SGMS2: variants seen among roughly 807,000 people sequenced by gnomAD.
SGMS2 encodes the protein sphingomyelin synthase 2.
In SGMS2, 21 loss-of-function variants were observed where a neutral mutation model predicts 43.8. That is an observed-to-expected ratio of 0.48 (90% CI 0.34 to 0.69). SGMS2 has a LOEUF of 0.69. Ranked by LOEUF, SGMS2 falls within the 30% of genes least tolerant of loss-of-function variation. The pLI is 0.01. For missense variants in SGMS2, 384 were observed against 443.2 expected (o/e 0.87, Z 1.20); for synonymous variants, 167 against 160.6 (o/e 1.04, Z -0.30).
At chr4:107,856,607 G>A (rs1425636295) in intron 1 of SGMS2, among the ~76,000 whole-genome samples, 1 of 152,180 alleles carries the variant, frequency 6.6e-6, no homozygotes, top group Admixed American at 6.5e-5. Context: ...TCGAGAGAGG[G>A]TGATAACCGG....
intron 5 of SGMS2, chr4:107,908,329 T>C: frequency 2.1e-6 from 1 of 474,356 alleles, no homozygotes; most frequent in East Asian, 3.3e-5. Flanking sequence ...GAATGTCTAG[T>C]GTTACCAGCT....
At chr4:107,848,056 G>A (rs1726934256) in intron 1 of SGMS2, among the ~76,000 whole-genome samples, 1 of 152,110 alleles carries the variant, frequency 6.6e-6, no homozygotes, top group Non-Finnish European at 1.5e-5. Context: ...CTAAAAGTCT[G>A]TGTTCTGCGT....
At chr4:107,824,785 G>A (rs1208364557), upstream of SGMS2, 1 of 152,276 alleles carries the variant, frequency 6.6e-6, no homozygotes, top group African/African-American at 2.4e-5. Flanking sequence ...GCTGCCACCG[G>A]GCCGACGGGT....
Position 107,912,437 on chromosome 4 carries a change from T to G in SGMS2, c.*1884T>G, listed in dbSNP as rs1255160099. ...CATAATTCTATATAATGTTCGCTTA[T>G]ATTCATTTATTAACTAGCAACACTT... is the stretch of plus-strand genomic sequence containing the variant. On this transcript the variant is annotated 3_prime_UTR_variant, in exon 7 of 7. Coordinates refer to ENST00000690982, the MANE Select transcript of SGMS2 (RefSeq NM_001375905.1). 2.6e-5 allele frequency: 4 copies of G among 152,214 alleles called. No homozygotes were observed. Among genetic ancestry groups the G allele is most frequent in the African/African-American group, 9.6e-5 (4 of 41,456 alleles). The allele number at this position is 152,214 out of a possible 1,614,324, so 9.4% of individuals were successfully genotyped here.
intron 2 of SGMS2, among the ~76,000 whole-genome samples, chr4:107,892,234 CAAAA>C (rs34353350): frequency 2.7e-5 from 2 of 75,096 alleles, no homozygotes; most frequent in Non-Finnish European, 5.0e-5. Context: ...ACTAAAACTC[CAAAA>C]AAAAAAAAAA....
At chr4:107,870,276 A>T (rs992273017) in intron 2 of SGMS2, among the ~76,000 whole-genome samples, 1 of 152,216 alleles carries the variant, frequency 6.6e-6, no homozygotes, top group African/African-American at 2.4e-5. Context: ...GTGAAAAGAA[A>T]GCAGAGGTAA....
At chr4:107,825,846 A>C (rs1034760083) in intron 1 of SGMS2, among the ~76,000 whole-genome samples, 13 of 151,888 alleles carry the variant, frequency 8.6e-5, no homozygotes, top group African/African-American at 1.2e-4. Context: ...GCTTGAAACC[A>C]ACTCAAAATG....
intron 1 of SGMS2, among the ~76,000 whole-genome samples, chr4:107,832,254 TA>T (rs1200614464): frequency 6.6e-6 from 1 of 152,220 alleles, no homozygotes; most frequent in African/African-American, 2.4e-5. Flanking sequence ...TACGTATATA[TA>T]AAATATATGC....
At position 107,864,923 on chromosome 4, in the gene SGMS2, G is replaced by A. The variant is rs554450473; in HGVS notation, c.-245+6370G>A. 1.5e-3 allele frequency among the ~76,000 whole-genome samples: 231 copies of A among 152,216 alleles called. 1 individual carries two copies. Among genetic ancestry groups the A allele is most frequent in the African/African-American group, 5.2e-3 (218 of 41,564 alleles). On this transcript the variant is annotated intron_variant, in intron 2 of 6. Coordinates refer to ENST00000690982, the MANE Select transcript of SGMS2 (RefSeq NM_001375905.1). ...TTAAGTTTGGTTTATTTTATAAAGA[G>A]CCCAGAGGTTTTTCTATTTTATTAC... is the stretch of plus-strand genomic sequence containing the variant.
At chr4:107,856,260 A>G (rs1036468425) in intron 1 of SGMS2, among the ~76,000 whole-genome samples, 1 of 152,224 alleles carries the variant, frequency 6.6e-6, no homozygotes, top group African/African-American at 2.4e-5. Flanking sequence ...CTTATAAGAT[A>G]CTATTTAAAA....
chr4:107,881,820 C>A (rs1645409066), intron 2 of SGMS2, among the ~76,000 whole-genome samples: 1 of 152,140 alleles, frequency 6.6e-6, no homozygotes, highest in Admixed American at 6.6e-5. Flanking sequence ...ACCATAAGTT[C>A]AATTGTTTTA....
chr4:107,838,698 C>T (rs1305123401), intron 1 of SGMS2, among the ~76,000 whole-genome samples: 1 of 151,976 alleles, frequency 6.6e-6, no homozygotes, highest in Non-Finnish European at 1.5e-5. Context: ...GTGCCTTGAG[C>T]AGAGTTTATC....
chr4:107,894,080 T>C (rs1304471852), intron 2 of SGMS2, among the ~76,000 whole-genome samples: 1 of 152,228 alleles, frequency 6.6e-6, no homozygotes, highest in Non-Finnish European at 1.5e-5. Flanking sequence ...AGACATTGCC[T>C]GTACATATTG....
intron 2 of SGMS2, among the ~76,000 whole-genome samples, chr4:107,879,337 A>C (rs1356885948): frequency 1.3e-5 from 2 of 152,180 alleles, no homozygotes; most frequent in Non-Finnish European, 2.9e-5. Context: ...TTTCAGAGTC[A>C]CTGCAAAAGT....
At chr4:107,844,152 C>G (rs528987585) in intron 1 of SGMS2, among the ~76,000 whole-genome samples, 142 of 151,816 alleles carry the variant, frequency 9.4e-4, no homozygotes, top group African/African-American at 3.3e-3. Flanking sequence ...GAAACCCAGT[C>G]TCTACTAAAA....
chr4:107,836,431 T>G (rs184923364), intron 1 of SGMS2, among the ~76,000 whole-genome samples: 50 of 152,354 alleles, frequency 3.3e-4, no homozygotes, highest in Admixed American at 7.8e-4. Flanking sequence ...ACAGTGAAGC[T>G]TCTCTCTGAG....
chr4:107,891,447 G>A (rs1472826775), intron 2 of SGMS2, among the ~76,000 whole-genome samples: 1 of 152,102 alleles, frequency 6.6e-6, no homozygotes, highest in Non-Finnish European at 1.5e-5. Context: ...TTATCTAGGG[G>A]TTGTTGGGTC....
At chr4:107,858,088 G>A (rs576519301) in intron 1 of SGMS2, among the ~76,000 whole-genome samples, 16 of 147,512 alleles carry the variant, frequency 1.1e-4, no homozygotes, top group Middle Eastern at 3.4e-3. Flanking sequence ...GCTCTACATC[G>A]ACCACATCAG....
At chr4:107,827,595 C>T (rs888227296) in intron 1 of SGMS2, among the ~76,000 whole-genome samples, 1 of 152,114 alleles carries the variant, frequency 6.6e-6, no homozygotes, top group African/African-American at 2.4e-5. Flanking sequence ...TAAAATATTA[C>T]GGACAAGTGA....
Sources: allele counts gnomAD v4.1 joint callset (sites outside exome capture counted in the v4.1 genomes callset), GRCh38; gene constraint gnomAD v4.1.1; transcripts MANE v1.5; gene names NCBI Gene and HGNC (gene_info 2026-07-23, HGNC 2026-07-21).